Variants in DLGAP1 observed in about 807,000 individuals in gnomAD.
DLGAP1 encodes disks large-associated protein 1.
DLGAP1 carries 11 observed loss-of-function variants against 90.8 expected under a neutral mutation model. The observed-to-expected ratio is 0.12, with a 90% CI of 0.08 to 0.20. The LOEUF (loss-of-function observed/expected upper bound fraction) is 0.20. DLGAP1 is among the 10% of genes least tolerant of loss of function. The pLI, the probability that DLGAP1 is intolerant of heterozygous loss-of-function variation, is 1.00. For synonymous variants in DLGAP1, 558 were observed against 540.7 expected (o/e 1.03, Z -0.44); for missense variants, 1,050 against 1,333.8 (o/e 0.79, Z 3.31).
At chr18:4,256,753 A>G (rs1171406081) in intron 1 of DLGAP1, among the ~76,000 whole-genome samples, 1 of 152,138 alleles carries the variant, frequency 6.6e-6, no homozygotes, top group African/African-American at 2.4e-5. Context: ...TGTATAAATC[A>G]CTGGGAATGC....
chr18:4,453,893 G>A, intron 1 of DLGAP1, among the ~76,000 whole-genome samples: 1 of 152,118 alleles, frequency 6.6e-6, no homozygotes, highest in South Asian at 2.1e-4. Flanking sequence ...CTCCCACCCA[G>A]CGTCCCACTG....
chr18:3,629,444 G>A (rs1410680456), intron 7 of DLGAP1, among the ~76,000 whole-genome samples: 2 of 152,060 alleles, frequency 1.3e-5, no homozygotes, highest in African/African-American at 4.8e-5. Context: ...GGCTGAGGCG[G>A]GCGGATCACG....
At chr18:3,771,202 A>T (rs1035315227) in intron 5 of DLGAP1, 6 of 152,224 alleles carry the variant, frequency 3.9e-5, no homozygotes, top group Admixed American at 6.5e-5. Context: ...TTAGACAATA[A>T]ATAAACAAAG....
intron 1 of DLGAP1, among the ~76,000 whole-genome samples, chr18:4,219,974 G>A (rs1457708790): frequency 6.6e-6 from 1 of 152,016 alleles, no homozygotes; most frequent in Non-Finnish European, 1.5e-5. Context: ...GTCTTTTGTG[G>A]TTCCATATAA....
intron 2 of DLGAP1, among the ~76,000 whole-genome samples, chr18:4,129,486 C>T (rs913196945): frequency 1.3e-5 from 2 of 152,116 alleles, no homozygotes; most frequent in East Asian, 1.9e-4. Flanking sequence ...AATCGTGGTG[C>T]GTCATAGAAT....
chr18:3,729,187 C>T lies in DLGAP1; in HGVS notation c.1539G>A (p.Ser513=). 1 of 1,613,628 alleles carries T rather than the reference C, an allele frequency of 6.2e-7. No individual in the cohort carries two copies. The highest frequency in any genetic ancestry group is 8.5e-7 in the Non-Finnish European group (1 of 1,179,844). The change falls in exon 7 of 13, where the codon TCG becomes TCA. Residue 513 remains serine, a synonymous_variant. Coordinates refer to ENST00000315677, the MANE Select transcript of DLGAP1 (RefSeq NM_004746.4). This position sits in a 1 kb window ranked among gnomAD's most constrained non-coding sequence, Gnocchi z 6.2. The stretch of plus-strand genomic sequence containing the variant: ...TGGTGGTGGTGCGCGGCGGCGAGGA[C>T]GACCTCAGGGACACGCACTCGTCGT... The part of the protein sequence containing the change: ...SQDDECVSLR[S]SSPPRTTTTV...
intron 1 of DLGAP1, among the ~76,000 whole-genome samples, chr18:4,230,858 C>T (rs890671822): frequency 4.0e-5 from 6 of 151,214 alleles, no homozygotes; most frequent in Non-Finnish European, 8.8e-5. Flanking sequence ...CATTGCATGC[C>T]TCTATCAAAA....
At chr18:4,334,472 C>T (rs1422233238) in intron 1 of DLGAP1, among the ~76,000 whole-genome samples, 1 of 151,744 alleles carries the variant, frequency 6.6e-6, no homozygotes. Flanking sequence ...TCTGTATTGC[C>T]ATAGCAAACT....
At chr18:4,115,724 A>G (rs1352188478) in intron 2 of DLGAP1, among the ~76,000 whole-genome samples, 1 of 152,132 alleles carries the variant, frequency 6.6e-6, no homozygotes, top group African/African-American at 2.4e-5. Context: ...CTGACCTCCC[A>G]AAGTGCTGGG....
chr18:4,453,928 C>T (rs1291835295), intron 1 of DLGAP1, among the ~76,000 whole-genome samples: 1 of 152,192 alleles, frequency 6.6e-6, no homozygotes, highest in African/African-American at 2.4e-5. Flanking sequence ...ACCTTTAACC[C>T]CTTGCCCTCC....
chr18:4,058,801 G>A (rs1287880988), intron 2 of DLGAP1, among the ~76,000 whole-genome samples: 1 of 152,192 alleles, frequency 6.6e-6, no homozygotes, highest in African/African-American at 2.4e-5. Flanking sequence ...AAAGGGAGAG[G>A]AGTCTAGATT....
At chr18:3,511,841 T>C (rs1021926178) in intron 10 of DLGAP1, among the ~76,000 whole-genome samples, 3 of 152,228 alleles carry the variant, frequency 2.0e-5, no homozygotes, top group African/African-American at 4.8e-5. Flanking sequence ...GAGGAAACCA[T>C]TGCAGTAGAG....
chr18:4,092,315 G>A (rs1286274999), intron 2 of DLGAP1, among the ~76,000 whole-genome samples: 1 of 152,168 alleles, frequency 6.6e-6, no homozygotes, highest in African/African-American at 2.4e-5. Context: ...GAGTGGAGCA[G>A]CGAAGAGGTT....
chr18:3,818,322 T>C (rs1440586701), intron 4 of DLGAP1, among the ~76,000 whole-genome samples: 1 of 150,074 alleles, frequency 6.7e-6, no homozygotes, highest in Non-Finnish European at 1.5e-5. Flanking sequence ...CATCCTCTAA[T>C]TACAGGATAG....
chr18:3,802,592 A>G (rs1351588620), intron 5 of DLGAP1, among the ~76,000 whole-genome samples: 1 of 152,120 alleles, frequency 6.6e-6, no homozygotes, highest in African/African-American at 2.4e-5. Flanking sequence ...CCTATTTTCA[A>G]TTCCTATTAG....
chr18:3,891,170 T>C (rs1386658454), intron 3 of DLGAP1, among the ~76,000 whole-genome samples: 2 of 152,200 alleles, frequency 1.3e-5, no homozygotes, highest in Non-Finnish European at 2.9e-5. Context: ...TGACAGTTTA[T>C]TCCATACACT....
chr18:3,617,828 A>T (rs2057932706), intron 7 of DLGAP1, among the ~76,000 whole-genome samples: 1 of 151,794 alleles, frequency 6.6e-6, no homozygotes, highest in Non-Finnish European at 1.5e-5. Flanking sequence ...TGAGCTCAGG[A>T]GATCGAGACC....
intron 5 of DLGAP1, among the ~76,000 whole-genome samples, chr18:3,744,521 A>T (rs2063186654): frequency 6.6e-6 from 1 of 152,150 alleles, no homozygotes; most frequent in Admixed American, 6.5e-5. Context: ...ATTTATCTAT[A>T]AATTTAACGT....
At chr18:3,551,758 T>TCCTTCCTTCCTC (rs2053486824) in intron 9 of DLGAP1, among the ~76,000 whole-genome samples, 1 of 95,388 alleles carries the variant, frequency 1.0e-5, no homozygotes, top group Non-Finnish European at 2.0e-5. Context: ...CTTCCTTCCT[T>TCCTTCCTTCCTC]CCTTCCTTCC....
Sources: allele counts gnomAD v4.1 joint callset (sites outside exome capture counted in the v4.1 genomes callset), GRCh38; gene constraint gnomAD v4.1.1; non-coding constraint Gnocchi (gnomAD v3.1); transcripts MANE v1.5; gene names NCBI Gene and HGNC (gene_info 2026-07-23, HGNC 2026-07-21).